Variants in AKAIN1 observed in about 807,000 individuals in gnomAD.
AKAIN1 encodes the protein A-kinase anchor protein inhibitor 1.
AKAIN1 carries 3 observed loss-of-function variants against 3.7 expected under a neutral mutation model. That is an observed-to-expected ratio of 0.82 (90% confidence interval 0.37 to 2.12). The LOEUF is 2.12. Ranked by LOEUF, AKAIN1 falls within the 30% of genes most tolerant of loss-of-function variation. AKAIN1 has a pLI of 0.06. For synonymous variants in AKAIN1, 31 were observed against 30.8 expected, an observed-to-expected ratio of 1.01 and a Z score of -0.02; for missense variants, 82 against 82.7, an observed-to-expected ratio of 0.99 and a Z score of 0.03.
chr18:5,162,620 T>G (rs2071145898), intron 1 of AKAIN1, among the ~76,000 whole-genome samples: 1 of 121,414 alleles, frequency 8.2e-6, no homozygotes. Context: ...GAGTTCAATG[T>G]GATGCGTGTG....
chr18:5,195,328 C>A (rs899953488), intron 1 of AKAIN1, among the ~76,000 whole-genome samples: 1 of 152,172 alleles, frequency 6.6e-6, no homozygotes, highest in Non-Finnish European at 1.5e-5. Flanking sequence ...CCAAGCCAGT[C>A]TACTCCAGAA....
At chr18:5,158,759 A>G (rs1465566535) in intron 1 of AKAIN1, among the ~76,000 whole-genome samples, 1 of 151,518 alleles carries the variant, frequency 6.6e-6, no homozygotes, top group East Asian at 2.0e-4. Flanking sequence ...AGTCCTGCCA[A>G]CACTCTGAGG....
chr18:5,169,844 T>C (rs1233194442), intron 1 of AKAIN1, among the ~76,000 whole-genome samples: 2 of 152,174 alleles, frequency 1.3e-5, no homozygotes, highest in East Asian at 1.9e-4. Context: ...CAAAATGATT[T>C]TTATCTCATT....
intron 1 of AKAIN1, among the ~76,000 whole-genome samples, chr18:5,150,635 C>G (rs1362060439): frequency 6.6e-6 from 1 of 152,174 alleles, no homozygotes; most frequent in Non-Finnish European, 1.5e-5. Flanking sequence ...TCTCTATGAT[C>G]ACCCAGTGCT....
chr18:5,146,128 T>C (rs1458755756), intron 1 of AKAIN1, among the ~76,000 whole-genome samples: 1 of 152,244 alleles, frequency 6.6e-6, no homozygotes, highest in Non-Finnish European at 1.5e-5. Flanking sequence ...ATTACTTTTA[T>C]TGGGTTTTTT....
chr18:5,167,385 T>C (rs934518229), intron 1 of AKAIN1, among the ~76,000 whole-genome samples: 3 of 152,074 alleles, frequency 2.0e-5, no homozygotes, highest in Non-Finnish European at 4.4e-5. Context: ...GTAACCATCA[T>C]TGTAACCTAG....
intron 1 of AKAIN1, among the ~76,000 whole-genome samples, chr18:5,182,124 C>A (rs753162129): frequency 6.6e-6 from 1 of 152,128 alleles, no homozygotes; most frequent in Non-Finnish European, 1.5e-5. Flanking sequence ...ATAACTTATT[C>A]ATCTCAGGAT....
intron 1 of AKAIN1, among the ~76,000 whole-genome samples, chr18:5,153,859 C>T (rs891249311): frequency 6.6e-6 from 1 of 151,490 alleles, no homozygotes; most frequent in African/African-American, 2.4e-5. Flanking sequence ...AAATGAACCA[C>T]TCTGTGGGGG....
chr18:5,183,423 A>G (rs1460298673), intron 1 of AKAIN1, among the ~76,000 whole-genome samples: 1 of 152,054 alleles, frequency 6.6e-6, no homozygotes, highest in African/African-American at 2.4e-5. Context: ...AATTTCTGAA[A>G]CTACAGCAAA....
chr18:5,166,257 G>A (rs1373924852), intron 1 of AKAIN1, among the ~76,000 whole-genome samples: 1 of 151,900 alleles, frequency 6.6e-6, no homozygotes, highest in Non-Finnish European at 1.5e-5. Flanking sequence ...AGAGGTTCAA[G>A]TCTTAGAGCA....
At chr18:5,193,010 G>C (rs2071330452) in intron 1 of AKAIN1, among the ~76,000 whole-genome samples, 1 of 151,924 alleles carries the variant, frequency 6.6e-6, no homozygotes, top group Non-Finnish European at 1.5e-5. Context: ...TTTTTGTGTT[G>C]GCACATTGTA....
chr18:5,176,768 A>G (rs1466761506), intron 1 of AKAIN1, among the ~76,000 whole-genome samples: 1 of 152,200 alleles, frequency 6.6e-6, no homozygotes, highest in African/African-American at 2.4e-5. Flanking sequence ...AAAAAACACG[A>G]TAACAACAAA....
chr18:5,145,525 A>G lies in AKAIN1; in HGVS notation c.*37T>C. On this transcript the variant is annotated 3_prime_UTR_variant, in exon 2 of 2. Coordinates refer to ENST00000434239, the MANE Select transcript of AKAIN1 (RefSeq NM_001145194.2). Reference sequence around the variant, plus strand: ...TGCGTCCTATACTAAGAGGAAGGCTAGAAACCAAGCACATGTCAAGAGCCA... The same window carrying G: ...TGCGTCCTATACTAAGAGGAAGGCTGGAAACCAAGCACATGTCAAGAGCCA... The G allele has an allele frequency of 6.5e-7, 1 of 1,531,134 alleles. No individual in the cohort carries two copies. The allele number at this position is 1,531,134 out of a possible 1,614,324, so 94.8% of individuals were successfully genotyped here.
chr18:5,149,957 G>A (rs911359493), intron 1 of AKAIN1, among the ~76,000 whole-genome samples: 1 of 152,136 alleles, frequency 6.6e-6, no homozygotes, highest in Non-Finnish European at 1.5e-5. Context: ...TGGGACTACA[G>A]GCACACTCCA....
chr18:5,181,187 G>C (rs2071256186), intron 1 of AKAIN1, among the ~76,000 whole-genome samples: 1 of 152,078 alleles, frequency 6.6e-6, no homozygotes. Flanking sequence ...TGCTACTCAG[G>C]AGGCTGAAGT....
chr18:5,160,073 C>G (rs564773427), intron 1 of AKAIN1, among the ~76,000 whole-genome samples: 47 of 152,094 alleles, frequency 3.1e-4, no homozygotes, highest in Non-Finnish European at 6.0e-4. Flanking sequence ...TTGGCCTTGC[C>G]TACACATGTG....
At chr18:5,146,745 C>A (rs2071051778) in intron 1 of AKAIN1, among the ~76,000 whole-genome samples, 1 of 152,204 alleles carries the variant, frequency 6.6e-6, no homozygotes, top group Non-Finnish European at 1.5e-5. Flanking sequence ...GGTCGTACAA[C>A]TTCTGGAACA....
intron 1 of AKAIN1, among the ~76,000 whole-genome samples, chr18:5,196,208 T>A (rs2071346700): frequency 6.6e-6 from 1 of 152,070 alleles, no homozygotes; most frequent in African/African-American, 2.4e-5. Context: ...CTAAAATGCG[T>A]GAGAGAGAAA....
Position 5,145,807 on chromosome 18 carries a change from A to T in AKAIN1, c.17-52T>A. 6 of 1,452,408 alleles carry T rather than the reference A, an allele frequency of 4.1e-6. No individual in the cohort carries two copies. The South Asian group carries it at 7.5e-5, about 18-fold the overall frequency. 90.0% of individuals were successfully genotyped at this position (1,452,408 alleles called of 1,614,324 possible). On this transcript the variant is annotated intron_variant, in intron 1 of 1. Transcript: ENST00000434239. The stretch of plus-strand genomic sequence containing the variant: ...AAAAGGAGAGAAATTAATTTCAGGA[A>T]TGTGAGAGGGAAAGGTAGAGGAGAA...
Sources: gnomAD v4.1 joint callset for allele counts (sites outside exome capture counted in the v4.1 genomes callset) on GRCh38, gnomAD v4.1.1 for gene constraint, MANE v1.5 for transcripts, NCBI Gene and HGNC (gene_info 2026-07-23, HGNC 2026-07-21) for gene names.